Variants in EYS observed in about 807,000 individuals in gnomAD.
The protein encoded by EYS is EGF-like photoreceptor maintenance factor, also known as protein eyes shut homolog.
A neutral mutation model predicts 282.1 loss-of-function variants in EYS; 250 were observed. The observed-to-expected ratio is 0.89, with a 90% CI of 0.80 to 0.98. The LOEUF (loss-of-function observed/expected upper bound fraction) is 0.98, where lower values mean the gene tolerates loss of function less well. Ranked by LOEUF, EYS falls within the 50% of genes least tolerant of loss-of-function variation. EYS has a pLI of 0.00. For synonymous variants in EYS, 1,355 were observed against 1,282.9 expected (o/e 1.06, Z -1.20); for missense variants, 4,016 against 3,709.0 (o/e 1.08, Z -2.15).
At chr6:64,471,004 CCCAAAAAGCCTTCTTCCAAG>C (rs1490415789) in intron 26 of EYS, among the ~76,000 whole-genome samples, 1 of 152,092 alleles carries the variant, frequency 6.6e-6, no homozygotes, top group Non-Finnish European at 1.5e-5. Flanking sequence ...ATAGACTCAA[CCCAAAAAGCCTTCTTCCAAG>C]GGACACTATT....
At chr6:65,375,386 A>G (rs1765324239) in intron 8 of EYS, among the ~76,000 whole-genome samples, 1 of 152,170 alleles carries the variant, frequency 6.6e-6, no homozygotes, top group African/African-American at 2.4e-5. Context: ...TCAAAAGGTC[A>G]TCAGCCTCAA....
chr6:64,912,836 G>A, intron 15 of EYS, 93 bp from the exon 16 acceptor site: 1 of 703,920 alleles, frequency 1.4e-6, no homozygotes, highest in Non-Finnish European at 2.1e-6. Context: ...AATAGTATGT[G>A]GTGCTTTTAA....
Position 63,791,527 on chromosome 6 carries a change from G to A in EYS, c.7412-2303C>T, listed in dbSNP as rs572717876. On this transcript the variant is annotated intron_variant, in intron 37 of 42. Transcript: ENST00000503581. Reference sequence around the variant, plus strand: ...TGGGAGGCAGATCTTGCAGTGAGCCGAGATCGTACCACTGCACTCCAGCCT... The same window carrying A: ...TGGGAGGCAGATCTTGCAGTGAGCCAAGATCGTACCACTGCACTCCAGCCT... 2.4e-4 allele frequency among the ~76,000 whole-genome samples: 35 copies of A among 148,230 alleles called. 1 individual carries two copies. In the South Asian group the frequency reaches 6.8e-3, roughly 29 times the overall value.
At chr6:64,999,105 C>G (rs891436133) in intron 13 of EYS, among the ~76,000 whole-genome samples, 1 of 152,044 alleles carries the variant, frequency 6.6e-6, no homozygotes, top group Non-Finnish European at 1.5e-5. Flanking sequence ...TAGATTAATA[C>G]AGACAAGGAA....
intron 35 of EYS, among the ~76,000 whole-genome samples, chr6:63,927,226 T>C (rs1442480393): frequency 6.6e-6 from 1 of 152,202 alleles, no homozygotes; most frequent in African/African-American, 2.4e-5. Context: ...ATAAACGAGA[T>C]TATCTATGCA....
intron 14 of EYS, among the ~76,000 whole-genome samples, chr6:64,951,593 T>C (rs1425241552): frequency 6.6e-6 from 1 of 151,856 alleles, no homozygotes; most frequent in Non-Finnish European, 1.5e-5. Flanking sequence ...ATACTTATGA[T>C]GAATACATAT....
intron 40 of EYS, among the ~76,000 whole-genome samples, chr6:63,764,869 T>A (rs1235570841): frequency 6.6e-6 from 1 of 152,036 alleles, no homozygotes; most frequent in African/African-American, 2.4e-5. Flanking sequence ...AGAATGATTT[T>A]GTGCAAGGTC....
At chr6:63,963,367 G>A (rs1241576321) in intron 35 of EYS, among the ~76,000 whole-genome samples, 2 of 151,832 alleles carry the variant, frequency 1.3e-5, no homozygotes, top group African/African-American at 4.8e-5. Flanking sequence ...AATTAAAAAA[G>A]GACTAAAAAA....
chr6:64,057,095 TAA>T (rs1378283732), intron 33 of EYS, among the ~76,000 whole-genome samples: 1 of 152,224 alleles, frequency 6.6e-6, no homozygotes, highest in African/African-American at 2.4e-5. Context: ...GAAGAAATGT[TAA>T]AAGTCTTTGT....
intron 29 of EYS, among the ~76,000 whole-genome samples, chr6:64,341,171 G>A (rs1771094401): frequency 6.6e-6 from 1 of 151,680 alleles, no homozygotes. Flanking sequence ...AGAACTTAGA[G>A]CTACCATTCA....
chr6:64,514,873 A>G (rs1311618402), intron 26 of EYS, among the ~76,000 whole-genome samples: 1 of 151,846 alleles, frequency 6.6e-6, no homozygotes, highest in African/African-American at 2.4e-5. Flanking sequence ...AAGATGAGTA[A>G]GAAAAGCATA....
chr6:64,817,794 C>A (rs7751516), intron 21 of EYS, among the ~76,000 whole-genome samples: 27,165 of 152,106 alleles, frequency 0.18, 2,444 homozygotes, highest in African/African-American at 0.19. Flanking sequence ...ATTTTTATCA[C>A]TCTGTAGTTT....
chr6:64,083,403 A>G (rs567938056), intron 31 of EYS, among the ~76,000 whole-genome samples: 2 of 152,256 alleles, frequency 1.3e-5, no homozygotes, highest in East Asian at 1.9e-4. Context: ...TCACCAGCCT[A>G]TCTCTGTAGG....
At chr6:65,193,901 GA>G (rs1411498529) in intron 12 of EYS, among the ~76,000 whole-genome samples, 1 of 151,784 alleles carries the variant, frequency 6.6e-6, no homozygotes, top group Non-Finnish European at 1.5e-5. Flanking sequence ...GGATCCAATT[GA>G]AATGCCTGCA....
chr6:63,977,940 T>C (rs148924021), intron 35 of EYS, among the ~76,000 whole-genome samples: 2 of 152,164 alleles, frequency 1.3e-5, no homozygotes, highest in African/African-American at 4.8e-5. Context: ...CAACCTGGCA[T>C]AGGGCTGATG....
At position 63,988,431 on chromosome 6, in the gene EYS, C is replaced by A. The variant is rs150042360; in HGVS notation, c.6835-3828G>T. Among the ~76,000 whole-genome samples the A allele has an allele frequency of 1.7e-4, 26 of 151,592 alleles. No individual in the cohort carries two copies. The East Asian group carries it at 4.7e-3, about 27-fold the overall frequency. ...GATTTATTAGACCATTAAAAAACAC[C>A]CAAACAATGGAAATAGATGGCTCCT... On this transcript the variant is annotated intron_variant, in intron 34 of 42. Coordinates refer to ENST00000503581, the MANE Select transcript of EYS (RefSeq NM_001142800.2).
intron 30 of EYS, among the ~76,000 whole-genome samples, chr6:64,266,719 C>T (rs1434861678): frequency 6.6e-6 from 1 of 152,094 alleles, no homozygotes; most frequent in Non-Finnish European, 1.5e-5. Context: ...TGAAGCAAGC[C>T]TCTGTATGGC....
intron 11 of EYS, chr6:65,330,548 T>C: frequency 2.0e-6 from 2 of 983,910 alleles, no homozygotes; most frequent in Non-Finnish European, 2.4e-6. Flanking sequence ...AAAAATGTGG[T>C]AATATGCAGA....
chr6:64,799,095 G>A (rs1774453559), intron 22 of EYS, among the ~76,000 whole-genome samples: 1 of 151,692 alleles, frequency 6.6e-6, no homozygotes, highest in African/African-American at 2.4e-5. Flanking sequence ...ACTTCAAAAG[G>A]ACCCTCTCTC....
Sources: allele counts gnomAD v4.1 joint callset (sites outside exome capture counted in the v4.1 genomes callset), GRCh38; gene constraint gnomAD v4.1.1; transcripts MANE v1.5; gene names NCBI Gene and HGNC (gene_info 2026-07-23, HGNC 2026-07-21).